The following DGCR2 variants were observed in gnomAD, a reference collection of about 807,000 sequenced individuals.
DGCR2 encodes integral membrane protein DGCR2/IDD.
Under a neutral mutation model 51.6 loss-of-function variants are expected in DGCR2, and 24 were observed. That is an observed-to-expected ratio of 0.47 (90% CI 0.34 to 0.65). The LOEUF (loss-of-function observed/expected upper bound fraction) is 0.65. Among genes scored for constraint, DGCR2 ranks in the 30% least tolerant of loss-of-function variants. The probability of loss-of-function intolerance (pLI) is 0.01; values close to 1 mark genes in which losing one functional copy is unlikely to be tolerated. For synonymous variants in DGCR2, 340 were observed against 315.4 expected (o/e 1.08, Z -0.82); for missense variants, 765 against 772.1 (o/e 0.99, Z 0.11).
chr22:19,101,400 G>A (rs182658910), intron 1 of DGCR2, among the ~76,000 whole-genome samples: 170 of 152,292 alleles, frequency 1.1e-3, no homozygotes, highest in Middle Eastern at 6.8e-3. Context: ...CAGGAGGCAT[G>A]TAGTACCCCA....
At chr22:19,040,484 A>G (rs1172767776) in intron 9 of DGCR2, among the ~76,000 whole-genome samples, 2 of 152,160 alleles carry the variant, frequency 1.3e-5, no homozygotes, top group Non-Finnish European at 2.9e-5. Flanking sequence ...ACAGAGACAG[A>G]GACAGGCCAG....
intron 6 of DGCR2, among the ~76,000 whole-genome samples, chr22:19,050,334 G>GAA (rs2082536145): frequency 6.6e-6 from 1 of 152,194 alleles, no homozygotes; most frequent in Non-Finnish European, 1.5e-5. Context: ...ACTGCTCACA[G>GAA]AAAACCATCA....
rs1243892396 is a variant in DGCR2 at position 19,064,959 on chromosome 22, T to C, written c.437A>G (p.Gln146Arg). 2.5e-6 allele frequency: 4 copies of C among 1,614,054 alleles called. No homozygotes were observed. The South Asian group carries it at 3.3e-5, about 13-fold the overall frequency. The change falls in exon 4 of 10, where the codon CAG becomes CGG. Residue 146 changes from glutamine to arginine, a missense_variant. Gln to Arg is a conservative substitution (Grantham distance 43). This residue lies in a region of DGCR2 where 370 missense variants were observed against 325.5 expected (regional missense o/e 1.14). Transcript: ENST00000263196. The stretch of plus-strand genomic sequence containing the variant: ...GGTGGCGAGAGAGCCATTCAGGCGC[T>C]GGCAGGTCTGCGCGGCATCCCAGTA... ...ENYWDAAQTC[Q>R]RLNGSLATFS...
At position 19,103,739 on chromosome 22, in the gene DGCR2, TAA is replaced by T. The variant is rs34046451; in HGVS notation, c.80-14251_80-14250del. Among the ~76,000 whole-genome samples the T allele has an allele frequency of 3.9e-4, 31 of 78,722 alleles. No homozygotes were observed. The East Asian group carries it at 6.7e-3, about 17-fold the overall frequency. The allele number at this position is 78,722 out of a possible 152,430, so 51.6% of individuals were successfully genotyped here. A position where few individuals can be genotyped will look rare whatever the true frequency, so the allele number is the denominator to read the frequency against. ...CACCGTGCCCGGCCAAAAAAATTCT[TAA>T]AAAAAAAAAAAAAAAAAAAAAAGGC... On this transcript the variant is annotated intron_variant, in intron 1 of 9. Coordinates refer to ENST00000263196, the MANE Select transcript of DGCR2 (RefSeq NM_005137.3).
At chr22:19,111,838 T>C (rs111767872) in intron 1 of DGCR2, among the ~76,000 whole-genome samples, 621 of 135,840 alleles carry the variant, frequency 4.6e-3, no homozygotes, top group Non-Finnish European at 6.1e-3. Flanking sequence ...AACTCTTTTT[T>C]GTTTTTATTT....
At chr22:19,076,126 A>G (rs1454003664) in intron 2 of DGCR2, among the ~76,000 whole-genome samples, 1 of 115,766 alleles carries the variant, frequency 8.6e-6, no homozygotes, top group East Asian at 2.3e-4. Context: ...CGCCCAGCTA[A>G]TTTTTGTATT....
chr22:19,120,169 T>C (rs2146068661), intron 1 of DGCR2, among the ~76,000 whole-genome samples: 1 of 152,336 alleles, frequency 6.6e-6, no homozygotes, highest in African/African-American at 2.4e-5. Flanking sequence ...TCCCGGGTTC[T>C]GCAGGGCAAC....
At chr22:19,107,860 A>G (rs530823067) in intron 1 of DGCR2, among the ~76,000 whole-genome samples, 3 of 152,344 alleles carry the variant, frequency 2.0e-5, no homozygotes, top group South Asian at 2.1e-4. Context: ...CAACACTCGC[A>G]CCACATTTCG....
At chr22:19,075,922 C>T (rs2082870575) in intron 2 of DGCR2, among the ~76,000 whole-genome samples, 1 of 152,150 alleles carries the variant, frequency 6.6e-6, no homozygotes, top group Non-Finnish European at 1.5e-5. Flanking sequence ...GTCTCTGCTT[C>T]CAATTCTTTG....
chr22:19,053,661 A>G (rs2082572309), intron 6 of DGCR2, among the ~76,000 whole-genome samples: 1 of 152,240 alleles, frequency 6.6e-6, no homozygotes, highest in Admixed American at 6.5e-5. Flanking sequence ...TCAGAGTTCC[A>G]ATGAAAAGCC....
intron 6 of DGCR2, among the ~76,000 whole-genome samples, chr22:19,053,950 T>C (rs1464668809): frequency 6.6e-6 from 1 of 152,074 alleles, no homozygotes; most frequent in Non-Finnish European, 1.5e-5. Flanking sequence ...AGACTTGACA[T>C]AGCCAAGGAA....
At chr22:19,085,254 TC>T (rs1232287818) in intron 2 of DGCR2, among the ~76,000 whole-genome samples, 6 of 152,148 alleles carry the variant, frequency 3.9e-5, no homozygotes, top group African/African-American at 1.4e-4. Context: ...GTGGGCTAAC[TC>T]CCCATCTAAT....
rs190139839 is a variant in DGCR2 at position 19,083,419 on chromosome 22, C to A, written c.202+5949G>T. On this transcript the variant is annotated intron_variant, in intron 2 of 9. Transcript: ENST00000263196. Reference sequence around the variant, plus strand: ...TCATTCCTCTTCTTCACAACGACCTCTCAATACTACGACTTAATTCTTCTC... The same window carrying A: ...TCATTCCTCTTCTTCACAACGACCTATCAATACTACGACTTAATTCTTCTC... Among the ~76,000 whole-genome samples, 355 of 152,328 alleles carry A rather than the reference C, an allele frequency of 2.3e-3. 1 individual carries two copies. The highest frequency in any genetic ancestry group is 8.1e-3 in the African/African-American group (338 of 41,562).
rs763668707 is a variant in DGCR2 at position 19,056,861 on chromosome 22, T to G, written c.802+125A>C. 124 of 1,075,914 alleles carry G rather than the reference T, an allele frequency of 1.2e-4. 1 individual carries two copies. In the Middle Eastern group the frequency reaches 1.8e-3, roughly 16 times the overall value. The allele number at this position is 1,075,914 out of a possible 1,614,324, so 66.6% of individuals were successfully genotyped here. Reference sequence around the variant, plus strand: ...TGGGCCCCAAGAACAAGGTGTGAGCTGGTAAGGGGCGTCCACCGCAACACT... The same window carrying G: ...TGGGCCCCAAGAACAAGGTGTGAGCGGGTAAGGGGCGTCCACCGCAACACT... On this transcript the variant is annotated intron_variant, in intron 6 of 9. Transcript: ENST00000263196.
intron 1 of DGCR2, among the ~76,000 whole-genome samples, chr22:19,090,059 G>A (rs1043083352): frequency 2.0e-5 from 3 of 152,226 alleles, no homozygotes; most frequent in African/African-American, 7.2e-5. Flanking sequence ...GATAAAAACT[G>A]TAACACTTAA....
chr22:19,088,819 G>A (rs575627734), intron 2 of DGCR2, among the ~76,000 whole-genome samples: 2 of 152,316 alleles, frequency 1.3e-5, no homozygotes, highest in Non-Finnish European at 2.9e-5. Context: ...TGAGGGTGCT[G>A]AGGCAGAAAC....
chr22:19,100,313 C>T (rs190239300), intron 1 of DGCR2, among the ~76,000 whole-genome samples: 1 of 152,164 alleles, frequency 6.6e-6, no homozygotes, highest in Admixed American at 6.5e-5. Context: ...GATGGCTTTA[C>T]AAGGTCCTGT....
Position 19,038,747 on chromosome 22 carries a change from G to A in DGCR2, c.*118C>T. The A allele has an allele frequency of 5.1e-6, 7 of 1,379,132 alleles. No homozygotes were observed. Among genetic ancestry groups the A allele is most frequent in the Admixed American group, 2.2e-5 (1 of 46,074 alleles). 85.4% of individuals were successfully genotyped at this position (1,379,132 alleles called of 1,614,324 possible). A position where few individuals can be genotyped will look rare whatever the true frequency, so the allele number is the denominator to read the frequency against. On this transcript the variant is annotated 3_prime_UTR_variant, in exon 10 of 10. Coordinates refer to ENST00000263196, the MANE Select transcript of DGCR2 (RefSeq NM_005137.3). ...TATGTACACACGCGAGCCCGCCAGT[G>A]ACGTGCGGCAGTGCGTGGCGTCCAG...
At chr22:19,054,015 A>G (rs2082575490) in intron 6 of DGCR2, among the ~76,000 whole-genome samples, 1 of 152,252 alleles carries the variant, frequency 6.6e-6, no homozygotes, top group African/African-American at 2.4e-5. Context: ...TGAAGGACTA[A>G]AAGAATCCAA....
Sources: gnomAD v4.1 joint callset for allele counts (sites outside exome capture counted in the v4.1 genomes callset) on GRCh38, gnomAD v4.1.1 for gene constraint, gnomAD v4.1.1 regional missense constraint, MANE v1.5 for transcripts, NCBI Gene and HGNC (gene_info 2026-07-23, HGNC 2026-07-21) for gene names.